The following VWA2 variants were observed in gnomAD, a reference collection of about 807,000 sequenced individuals.
The protein encoded by VWA2 is von Willebrand factor A domain containing 2.
A neutral mutation model predicts 70.4 loss-of-function variants in VWA2; 73 were observed. That is an observed-to-expected ratio of 1.04 (90% CI 0.86 to 1.26). The LOEUF (loss-of-function observed/expected upper bound fraction) is 1.26, where lower values mean the gene tolerates loss of function less well. VWA2 is among the 50% of genes most tolerant of loss of function. The probability of loss-of-function intolerance (pLI) is 0.00; values close to 1 mark genes in which losing one functional copy is unlikely to be tolerated. For synonymous variants in VWA2, 407 were observed against 423.3 expected (o/e 0.96, Z 0.47); for missense variants, 1,011 against 998.5 (o/e 1.01, Z -0.17).
Position 114,285,965 on chromosome 10 carries a change from G to A in VWA2, c.1024G>A (p.Val342Ile), listed in dbSNP as rs772889389. ...CALKLSLECR[V>I]DLLFLLDSSA... is the part of the protein sequence containing the mutation. ...CCTGAAGCTGAGCCTGGAATGCAGG[G>A]TCGACCTCCTCTTCCTGCTGGACAG... Residue 342 changes from valine to isoleucine, a missense_variant, in exon 11 of 14, where the codon GTC (valine) becomes ATC (isoleucine). Transcript: ENST00000392982. 3.7e-6 allele frequency: 6 copies of A among 1,606,880 alleles called. No homozygotes were observed. In the African/African-American group the frequency reaches 4.0e-5, roughly 11 times the overall value.
intron 3 of VWA2, among the ~76,000 whole-genome samples, chr10:114,254,038 A>G (rs145307727): frequency 1.2e-3 from 182 of 151,824 alleles, no homozygotes; most frequent in African/African-American, 3.5e-3. Context: ...GGTACACTCC[A>G]TCTCAAAAAC....
intron 5 of VWA2, among the ~76,000 whole-genome samples, chr10:114,264,418 G>A (rs963063037): frequency 5.5e-5 from 8 of 145,396 alleles, no homozygotes; most frequent in African/African-American, 1.9e-4. Context: ...ATGATTCCAC[G>A]TTTTCTTTTT....
At chr10:114,283,751 T>C (rs1239205344) in intron 9 of VWA2, among the ~76,000 whole-genome samples, 2 of 152,216 alleles carry the variant, frequency 1.3e-5, no homozygotes, top group Non-Finnish European at 2.9e-5. Flanking sequence ...ACATAATAGA[T>C]GCTCAGTTAA....
chr10:114,258,760 C>T (rs963524513), intron 4 of VWA2, among the ~76,000 whole-genome samples: 10 of 152,312 alleles, frequency 6.6e-5, no homozygotes, highest in South Asian at 2.1e-4. Context: ...GAGTCCCTTC[C>T]GGAATCACTT....
At position 114,244,622 on chromosome 10, in the gene VWA2, A is replaced by G. The variant is rs2037031820; in HGVS notation, c.-10-4082A>G. Among the ~76,000 whole-genome samples, 6 of 127,970 alleles carry G rather than the reference A, an allele frequency of 4.7e-5. No individual in the cohort carries two copies. In the South Asian group the frequency reaches 1.2e-3, roughly 25 times the overall value. 84.0% of individuals were successfully genotyped at this position (127,970 alleles called of 152,430 possible). A position where few individuals can be genotyped will look rare whatever the true frequency, so the allele number is the denominator to read the frequency against. On this transcript the variant is annotated intron_variant, in intron 1 of 13. Transcript: ENST00000392982. Reference sequence around the variant, plus strand: ...TAGTAGCTGTTGATTTTTATTGTGGAATTCACCCTTTAAAAAAAAAGCTTT... The same window carrying G: ...TAGTAGCTGTTGATTTTTATTGTGGGATTCACCCTTTAAAAAAAAAGCTTT...
intron 12 of VWA2, 199 bp downstream of exon 12, chr10:114,289,688 C>T (rs534774896): frequency 6.4e-6 from 4 of 623,738 alleles, no homozygotes; most frequent in East Asian, 2.8e-5. Context: ...ATTTAAGGTA[C>T]AGAAAGTTTA....
At chr10:114,273,426 T>G (rs2037755008) in intron 6 of VWA2, among the ~76,000 whole-genome samples, 1 of 152,160 alleles carries the variant, frequency 6.6e-6, no homozygotes, top group South Asian at 2.1e-4. Context: ...TTCCACAGTT[T>G]AACAATCCAA....
At chr10:114,244,097 A>G (rs2037021308) in intron 1 of VWA2, among the ~76,000 whole-genome samples, 1 of 152,250 alleles carries the variant, frequency 6.6e-6, no homozygotes, top group Non-Finnish European at 1.5e-5. Context: ...CCTGGCTTGC[A>G]GATCACTCCC....
At chr10:114,245,792 C>T (rs766920276) in intron 1 of VWA2, among the ~76,000 whole-genome samples, 83 of 152,272 alleles carry the variant, frequency 5.5e-4, no homozygotes, top group Admixed American at 2.1e-3. Context: ...TCACTTAGAT[C>T]AGGAGAAGAC....
chr10:114,264,198 T>C (rs1480093182), intron 5 of VWA2, among the ~76,000 whole-genome samples: 1 of 152,266 alleles, frequency 6.6e-6, no homozygotes, highest in Non-Finnish European at 1.5e-5. Flanking sequence ...ATGCTAATGT[T>C]CATACCAGTG....
chr10:114,268,921 T>A (rs1589756996), intron 5 of VWA2, among the ~76,000 whole-genome samples: 1 of 152,042 alleles, frequency 6.6e-6, no homozygotes, highest in Non-Finnish European at 1.5e-5. Context: ...GGTCTCGATC[T>A]CTTGACCTTG....
intron 2 of VWA2, among the ~76,000 whole-genome samples, chr10:114,252,691 C>T (rs368805421): frequency 6.6e-6 from 1 of 152,256 alleles, no homozygotes; most frequent in East Asian, 1.9e-4. Context: ...ATCTGCCATT[C>T]AGGTTCAAAC....
rs1435881858 is a variant in VWA2 at position 114,293,910 on chromosome 10, G to A, written c.*2673G>A. On this transcript the variant is annotated 3_prime_UTR_variant, in exon 14 of 14. Coordinates refer to ENST00000392982, the MANE Select transcript of VWA2 (RefSeq NM_001272046.2). ...ATGAAGTAGCATGTATCCATATCTG[G>A]TTCTTGACTTTTTCATCATAATAAT... Among the ~76,000 whole-genome samples the A allele has an allele frequency of 6.6e-6, 1 of 152,056 alleles. No individual in the cohort carries two copies. Among genetic ancestry groups the A allele is most frequent in the Non-Finnish European group, 1.5e-5 (1 of 68,014 alleles).
At chr10:114,256,909 CAAAAAA>C (rs1191231574) in intron 4 of VWA2, among the ~76,000 whole-genome samples, 10 of 54,814 alleles carry the variant, frequency 1.8e-4, no homozygotes, top group African/African-American at 6.6e-4. Context: ...AACACCGTCT[CAAAAAA>C]AAAAAAAAAA....
intron 8 of VWA2, among the ~76,000 whole-genome samples, chr10:114,279,498 C>CT (rs967492996): frequency 3.9e-4 from 59 of 152,328 alleles, no homozygotes; most frequent in Middle Eastern, 3.4e-3. Flanking sequence ...CAGCGATGAG[C>CT]TCACAGCACA....
At chr10:114,277,592 C>T (rs2037876426) in intron 6 of VWA2, among the ~76,000 whole-genome samples, 2 of 152,218 alleles carry the variant, frequency 1.3e-5, no homozygotes, top group Non-Finnish European at 2.9e-5. Context: ...AACAGCGCTG[C>T]CCTATGGCTA....
rs1398406831 is a variant in VWA2, at chr10:114,286,437, T to C, written c.1496T>C (p.Val499Ala). Reference protein sequence around the residue: ...EITGSPKHVMVYSDPQDLFNQ... With the variant: ...EITGSPKHVMAYSDPQDLFNQ... ...ACAGGCAGCCCAAAGCATGTGATGG[T>C]CTACTCGGATCCTCAGGATCTGTTC... The change falls in exon 11 of 14, where the codon GTC (valine) becomes GCC (alanine). Residue 499 changes from valine to alanine, a missense_variant. Physicochemically the swap from Val to Ala is moderately conservative, Grantham distance 64. Coordinates refer to ENST00000392982, the MANE Select transcript of VWA2 (RefSeq NM_001272046.2). 3 of 1,612,874 alleles carry C rather than the reference T, an allele frequency of 1.9e-6. No individual in the cohort carries two copies. The highest frequency in any genetic ancestry group is 1.7e-6 in the Non-Finnish European group (2 of 1,179,464).
At chr10:114,248,078 A>G (rs1445585012) in intron 1 of VWA2, among the ~76,000 whole-genome samples, 3 of 151,042 alleles carry the variant, frequency 2.0e-5, no homozygotes, top group Non-Finnish European at 2.9e-5. Flanking sequence ...ACTGCATTCC[A>G]GCCTGGGCTA....
intron 8 of VWA2, chr10:114,280,872 G>A (rs2038054710): frequency 6.6e-6 from 1 of 152,010 alleles, no homozygotes; most frequent in Non-Finnish European, 1.5e-5. Flanking sequence ...CTAAGTAGTT[G>A]GGACTACAGA....
Sources: gnomAD v4.1 joint callset for allele counts (sites outside exome capture counted in the v4.1 genomes callset) on GRCh38, gnomAD v4.1.1 for gene constraint, MANE v1.5 for transcripts, NCBI Gene and HGNC (gene_info 2026-07-23, HGNC 2026-07-21) for gene names.